MYOM1: variants seen among roughly 807,000 people sequenced by gnomAD.
MYOM1 encodes the protein myomesin-1.
Under a neutral mutation model 205.3 loss-of-function variants are expected in MYOM1, and 164 were observed. That is an observed-to-expected ratio of 0.80 (90% CI 0.70 to 0.91). The LOEUF (loss-of-function observed/expected upper bound fraction) is 0.91, where lower values mean the gene tolerates loss of function less well. Among genes scored for constraint, MYOM1 ranks in the 40% least tolerant of loss-of-function variants. The pLI is 0.00. For missense variants in MYOM1, 2,011 were observed against 2,127.3 expected, an observed-to-expected ratio of 0.95 and a Z score of 1.08; for synonymous variants, 772 against 789.4, an observed-to-expected ratio of 0.98 and a Z score of 0.37.
chr18:3,203,381 C>T (rs546491039), intron 2 of MYOM1, among the ~76,000 whole-genome samples: 2 of 151,678 alleles, frequency 1.3e-5, no homozygotes, highest in East Asian at 3.9e-4. Flanking sequence ...ATTAGTAAGG[C>T]TTTTGCTAAA....
chr18:3,155,802 C>T lies in MYOM1; in HGVS notation c.1502-714G>A, dbSNP rs556568950. On this transcript the variant is annotated intron_variant, in intron 10 of 37. Transcript: ENST00000356443. ...CTCCCAAGGGAGACAAATACCCCTT[C>T]TGGAGGCATCCACAAGAAAATACGA... Among the ~76,000 whole-genome samples the T allele has an allele frequency of 1.3e-4, 20 of 152,310 alleles. No homozygotes were observed. The South Asian group carries it at 2.7e-3, about 21-fold the overall frequency.
chr18:3,245,726 C>T, the MYOM1 span, among the ~76,000 whole-genome samples: 5 of 152,316 alleles, frequency 3.3e-5, no homozygotes, highest in Admixed American at 6.5e-5. Context: ...GCTCCCTCTG[C>T]CTGGCATCTC....
chr18:3,176,627 T>C (rs1442575246), intron 5 of MYOM1, among the ~76,000 whole-genome samples: 2 of 152,196 alleles, frequency 1.3e-5, no homozygotes, highest in East Asian at 3.9e-4. Flanking sequence ...TTTGTAAAAG[T>C]GTGCAGTCTT....
upstream of MYOM1, among the ~76,000 whole-genome samples, chr18:3,223,854 A>G (rs975898429): frequency 3.3e-5 from 5 of 152,034 alleles, no homozygotes; most frequent in Non-Finnish European, 5.9e-5. Context: ...TCAATATGTT[A>G]TTGTTTCTTT....
At position 3,081,384 on chromosome 18, in the gene MYOM1, T is replaced by G. The variant is rs537017030; in HGVS notation, c.4485-2042A>C. Reference sequence around the variant, plus strand: ...TGAAGACTAAAATCCGTTTCAAGGGTTTTTTTCCCCTCTATGCCACATACA... The same window carrying G: ...TGAAGACTAAAATCCGTTTCAAGGGGTTTTTTCCCCTCTATGCCACATACA... On this transcript the variant is annotated intron_variant, in intron 33 of 37. Coordinates refer to ENST00000356443, the MANE Select transcript of MYOM1 (RefSeq NM_003803.4). Among the ~76,000 whole-genome samples, 9 of 152,116 alleles carry G rather than the reference T, an allele frequency of 5.9e-5. No individual in the cohort carries two copies. The South Asian group carries it at 1.0e-3, about 18-fold the overall frequency.
At chr18:3,097,707 G>A (rs111337783) in intron 25 of MYOM1, among the ~76,000 whole-genome samples, 12 of 152,150 alleles carry the variant, frequency 7.9e-5, no homozygotes, top group African/African-American at 2.6e-4. Context: ...TTGCCCAGCC[G>A]AATGTCAGAG....
chr18:3,120,894 G>A (rs2079680283), intron 19 of MYOM1, among the ~76,000 whole-genome samples: 1 of 152,010 alleles, frequency 6.6e-6, no homozygotes, highest in African/African-American at 2.4e-5. Context: ...TAGAAGTGAT[G>A]GAATATATTA....
chr18:3,185,591 GGCCAAATTGT>G (rs1437439461), intron 5 of MYOM1, among the ~76,000 whole-genome samples: 1 of 152,030 alleles, frequency 6.6e-6, no homozygotes, highest in African/African-American at 2.4e-5. Flanking sequence ...CCCTTTAACA[GGCCAAATTGT>G]GCAACTCTAT....
intron 5 of MYOM1, among the ~76,000 whole-genome samples, chr18:3,186,192 T>C (rs1567956456): frequency 6.6e-6 from 1 of 151,276 alleles, no homozygotes; most frequent in Non-Finnish European, 1.5e-5. Context: ...CGGGACTCTG[T>C]CTCAAAAAAG....
At chr18:3,131,321 T>G (rs1358750394) in intron 17 of MYOM1, 54 bp downstream of exon 17, 1 of 1,599,762 alleles carries the variant, frequency 6.3e-7, no homozygotes, top group Non-Finnish European at 8.5e-7. Context: ...TATCTTCCTT[T>G]CTAACATAGA....
At chr18:3,126,239 TG>T (rs1448385679) in intron 19 of MYOM1, among the ~76,000 whole-genome samples, 1 of 126,946 alleles carries the variant, frequency 7.9e-6, no homozygotes. Context: ...CATTCCAGCC[TG>T]GGGGACAGAG....
chr18:3,170,160 G>A (rs1218588937), intron 8 of MYOM1, among the ~76,000 whole-genome samples: 1 of 152,170 alleles, frequency 6.6e-6, no homozygotes, highest in Non-Finnish European at 1.5e-5. Flanking sequence ...AGTGCAAGGG[G>A]AAATAAAGAA....
chr18:3,170,223 T>C (rs1477329721), intron 8 of MYOM1, among the ~76,000 whole-genome samples: 1 of 152,154 alleles, frequency 6.6e-6, no homozygotes, highest in African/African-American at 2.4e-5. Flanking sequence ...TAAGATCTAG[T>C]CTACAGTTAA....
chr18:3,239,950 CTAAGAAATT>C, the MYOM1 span, among the ~76,000 whole-genome samples: 2 of 151,834 alleles, frequency 1.3e-5, no homozygotes, highest in Non-Finnish European at 1.5e-5. Flanking sequence ...AAATTTCTCC[CTAAGAAATT>C]TACATGGATT....
At chr18:3,077,629 A>G (rs768413843) in intron 34 of MYOM1, among the ~76,000 whole-genome samples, 1 of 152,194 alleles carries the variant, frequency 6.6e-6, no homozygotes, top group Non-Finnish European at 1.5e-5. Context: ...TGCTGGTAGG[A>G]CAATCTACAG....
chr18:3,183,371 G>A (rs1011704626), intron 5 of MYOM1, among the ~76,000 whole-genome samples: 5 of 152,176 alleles, frequency 3.3e-5, no homozygotes, highest in African/African-American at 4.8e-5. Flanking sequence ...AGTGCTCTCT[G>A]GTAACCTCTA....
intron 2 of MYOM1, among the ~76,000 whole-genome samples, chr18:3,205,767 G>A (rs535225163): frequency 9.1e-4 from 139 of 152,162 alleles, no homozygotes; most frequent in Middle Eastern, 3.4e-3. Context: ...TTGTTCAATC[G>A]TTCACAATGT....
chr18:3,183,802 C>T (rs963319608), intron 5 of MYOM1, among the ~76,000 whole-genome samples: 5 of 152,062 alleles, frequency 3.3e-5, no homozygotes, highest in South Asian at 4.1e-4. Flanking sequence ...GCTTGGGCTG[C>T]GGGTTCCCAG....
At chr18:3,094,338 T>C (rs2079269787) in intron 25 of MYOM1, 32 bp from the exon 26 acceptor site, 3 of 1,554,954 alleles carry the variant, frequency 1.9e-6, no homozygotes, top group South Asian at 1.2e-5. Flanking sequence ...ACAGTAATTA[T>C]ATTGGTAACC....
Sources: gnomAD v4.1 joint callset for allele counts (sites outside exome capture counted in the v4.1 genomes callset) on GRCh38, gnomAD v4.1.1 for gene constraint, MANE v1.5 for transcripts, NCBI Gene and HGNC (gene_info 2026-07-23, HGNC 2026-07-21) for gene names.